The following VGLL2 variants were observed in gnomAD, a reference collection of about 807,000 sequenced individuals.
The protein encoded by VGLL2 is transcription cofactor vestigial-like protein 2.
Under a neutral mutation model 27.0 loss-of-function variants are expected in VGLL2, and 18 were observed. That is an observed-to-expected ratio of 0.67 (90% CI 0.46 to 0.99). VGLL2 has a LOEUF of 0.99. Among genes scored for constraint, VGLL2 ranks in the 50% least tolerant of loss-of-function variants. The pLI is 0.00. For missense variants in VGLL2, 491 were observed against 452.3 expected (o/e 1.09, Z -0.78); for synonymous variants, 220 against 201.1 (o/e 1.09, Z -0.80).
chr6:117,270,607 G>C lies in VGLL2; in HGVS notation c.456G>C (p.Ala152=). 6.3e-7 allele frequency: 1 copy of C among 1,574,890 alleles called. No homozygotes were observed. Among genetic ancestry groups the C allele is most frequent in the East Asian group, 2.4e-5 (1 of 42,476 alleles). The part of the protein sequence containing the change: ...PASFWNSAYQ[A]PVPPPLGSPL... ...CCTTCTGGAATAGCGCGTACCAGGC[G>C]CCAGTGCCCCCGCCGCTGGGCAGCC... Residue 152 remains alanine (A), a synonymous_variant, in exon 3 of 4, where the codon GCG becomes GCC. Transcript: ENST00000326274.
intron 1 of VGLL2, among the ~76,000 whole-genome samples, chr6:117,266,632 G>A (rs1278407260): frequency 6.6e-6 from 1 of 152,184 alleles, no homozygotes; most frequent in Non-Finnish European, 1.5e-5. Flanking sequence ...GGCTGCGTCT[G>A]TTTGAACCAT....
In VGLL2 at chr6:117,272,672, T is replaced by TGCTGAAAGAGCAAATCCAAAGACTGA; in HGVS notation, c.*180_*205dup. On this transcript the variant is annotated 3_prime_UTR_variant, in exon 4 of 4. Transcript: ENST00000326274. The stretch of plus-strand genomic sequence containing the variant: ...AAATTCATCTAAAAATAAGTCCTGC[T>TGCTGAAAGAGCAAATCCAAAGACTGA]GCTGAAAGAGCAAATCCAAAGACTG... 2.3e-6 allele frequency: 2 copies of TGCTGAAAGAGCAAATCCAAAGACTGA among 855,928 alleles called. No homozygotes were observed. The highest frequency in any genetic ancestry group is 1.8e-6 in the Non-Finnish European group (1 of 565,546). The allele number at this position is 855,928 out of a possible 1,614,324, so 53.0% of individuals were successfully genotyped here. A position where few individuals can be genotyped will look rare whatever the true frequency, so the allele number is the denominator to read the frequency against.
At position 117,272,713 on chromosome 6, in the gene VGLL2, C is replaced by T. The variant is rs1773226964; in HGVS notation, c.*219C>T. On this transcript the variant is annotated 3_prime_UTR_variant, in exon 4 of 4. Transcript: ENST00000326274. ...CCAAAGACTGAGTTATGTTTAATGA[C>T]TTTTGGCCGAATCACTGGAAATATC... is the stretch of plus-strand genomic sequence containing the variant. The T allele has an allele frequency of 3.3e-6, 2 of 611,728 alleles. No individual in the cohort carries two copies. The highest frequency in any genetic ancestry group is 5.4e-6 in the Non-Finnish European group (2 of 369,126). The allele number at this position is 611,728 out of a possible 1,614,324, so 37.9% of individuals were successfully genotyped here.
Position 117,270,939 on chromosome 6 carries a change from G to C in VGLL2, c.788G>C (p.Gly263Ala), listed in dbSNP as rs1773181555. 2 of 1,240,818 alleles carry C rather than the reference G, an allele frequency of 1.6e-6. No individual in the cohort carries two copies. The highest frequency in any genetic ancestry group is 2.0e-6 in the Non-Finnish European group (2 of 997,680). The allele number at this position is 1,240,818 out of a possible 1,614,324, so 76.9% of individuals were successfully genotyped here. Residue 263 changes from glycine (G) to alanine (A), a missense_variant, in exon 3 of 4, where the codon GGC becomes GCC. Gly to Ala is a moderately conservative substitution (Grantham distance 60). Coordinates refer to ENST00000326274, the MANE Select transcript of VGLL2 (RefSeq NM_182645.3). ...RLATAPAPAP[G>A]SPPCELSGKG... ...GCAACCGCCCCGGCGCCCGCGCCCG[G>C]CAGTCCTCCCTGCGAGCTCTCCGGC...
chr6:117,270,527 C>A lies in VGLL2; in HGVS notation c.392-16C>A. 3.2e-6 allele frequency: 5 copies of A among 1,577,712 alleles called. No homozygotes were observed. The highest frequency in any genetic ancestry group is 4.3e-6 in the Non-Finnish European group (5 of 1,163,354). Reference sequence around the variant, plus strand: ...CTTTTCCTTTCCTCCACTCCGCCTCCCCGGCCGGCCTACAGACTGCTCCTT... The same window carrying A: ...CTTTTCCTTTCCTCCACTCCGCCTCACCGGCCGGCCTACAGACTGCTCCTT... On this transcript the variant is annotated splice_polypyrimidine_tract_variant and intron_variant, in intron 2 of 3. Coordinates refer to ENST00000326274, the MANE Select transcript of VGLL2 (RefSeq NM_182645.3).
chr6:117,268,386 A>G lies in VGLL2; in HGVS notation c.286A>G (p.Ser96Gly), dbSNP rs978917499. 19 of 1,613,930 alleles carry G rather than the reference A, an allele frequency of 1.2e-5. No homozygotes were observed. Among genetic ancestry groups the G allele is most frequent in the African/African-American group, 2.7e-5 (2 of 74,866 alleles). The stretch of plus-strand genomic sequence containing the variant: ...CTTCACTTATTTCCAGGGGGACATC[A>G]GCTCCGTGGTGGATGAACATTTCAG... ...VLFTYFQGDI[S>G]SVVDEHFSRA... Residue 96 changes from serine (S) to glycine (G), a missense_variant, in exon 2 of 4, where the codon AGC becomes GGC. Transcript: ENST00000326274.
Position 117,265,607 on chromosome 6 carries a change from T to TA in VGLL2, c.-156dup, listed in dbSNP as rs1330095850. On this transcript the variant is annotated 5_prime_UTR_variant, in exon 1 of 4. Coordinates refer to ENST00000326274, the MANE Select transcript of VGLL2 (RefSeq NM_182645.3). The stretch of plus-strand genomic sequence containing the variant: ...GAGTAAAATCGCAGGAGTGGGAGGG[T>TA]AGCGAGCCAGCTGGATTCCGAGCCG... 1.5e-6 allele frequency: 1 copy of TA among 651,926 alleles called. No individual in the cohort carries two copies. Among genetic ancestry groups the TA allele is most frequent in the African/African-American group, 1.8e-5 (1 of 55,600 alleles). The allele number at this position is 651,926 out of a possible 1,614,324, so 40.4% of individuals were successfully genotyped here.
intron 3 of VGLL2, 95 bp downstream of exon 3, chr6:117,271,159 T>C: frequency 9.3e-7 from 1 of 1,075,010 alleles, no homozygotes; most frequent in Non-Finnish European, 1.2e-6. Context: ...CTTGGAGACC[T>C]TGAATTCTGT....
rs1441708458 is a variant in VGLL2, at chr6:117,265,613, G to A, written c.-151G>A. The A allele has an allele frequency of 1.5e-6, 1 of 675,048 alleles. No homozygotes were observed. Among genetic ancestry groups the A allele is most frequent in the Non-Finnish European group, 2.6e-6 (1 of 379,470 alleles). The allele number at this position is 675,048 out of a possible 1,614,324, so 41.8% of individuals were successfully genotyped here. A position where few individuals can be genotyped will look rare whatever the true frequency, so the allele number is the denominator to read the frequency against. Reference sequence around the variant, plus strand: ...AATCGCAGGAGTGGGAGGGTAGCGAGCCAGCTGGATTCCGAGCCGCGGAGC... The same window carrying A: ...AATCGCAGGAGTGGGAGGGTAGCGAACCAGCTGGATTCCGAGCCGCGGAGC... On this transcript the variant is annotated 5_prime_UTR_variant, in exon 1 of 4. Transcript: ENST00000326274.
At chr6:117,267,282 AT>A (rs1475434008) in intron 1 of VGLL2, among the ~76,000 whole-genome samples, 8 of 152,106 alleles carry the variant, frequency 5.3e-5, no homozygotes, top group Non-Finnish European at 1.2e-4. Context: ...TCCATTGCTC[AT>A]TTCTAAGAAA....
At position 117,265,584 on chromosome 6, in the gene VGLL2, G is replaced by A; in HGVS notation, c.-180G>A. ...CTTCTGCCCTGGAGCGCGGTCGGGA[G>A]TAAAATCGCAGGAGTGGGAGGGTAG... is the stretch of plus-strand genomic sequence containing the variant. On this transcript the variant is annotated 5_prime_UTR_variant, in exon 1 of 4. Transcript: ENST00000326274. 1 of 614,978 alleles carries A rather than the reference G, an allele frequency of 1.6e-6. No individual in the cohort carries two copies. Among genetic ancestry groups the A allele is most frequent in the Non-Finnish European group, 2.9e-6 (1 of 341,496 alleles). 38.1% of individuals were successfully genotyped at this position (614,978 alleles called of 1,614,324 possible). A position where few individuals can be genotyped will look rare whatever the true frequency, so the allele number is the denominator to read the frequency against.
In VGLL2 at chr6:117,268,372, T is replaced by C; in HGVS notation, c.272T>C (p.Phe91Ser). ...INSRCVLFTY[F>S]QGDISSVVDE... The stretch of plus-strand genomic sequence containing the variant: ...TCCCGCTGCGTCCTCTTCACTTATT[T>C]CCAGGGGGACATCAGCTCCGTGGTG... The change falls in exon 2 of 4, where the codon TTC becomes TCC. Residue 91 changes from phenylalanine to serine, a missense_variant. Physicochemically the swap from Phe to Ser is radical, Grantham distance 155. Coordinates refer to ENST00000326274, the MANE Select transcript of VGLL2 (RefSeq NM_182645.3). 1 of 1,614,004 alleles carries C rather than the reference T, an allele frequency of 6.2e-7. No individual in the cohort carries two copies. Among genetic ancestry groups the C allele is most frequent in the Non-Finnish European group, 8.5e-7 (1 of 1,179,990 alleles).
In VGLL2 at chr6:117,268,440, TCTC is replaced by T. The variant is rs1364187255; in HGVS notation, c.343_345del (p.Pro115del). 1.2e-6 allele frequency: 2 copies of T among 1,613,956 alleles called. No homozygotes were observed. The highest frequency in any genetic ancestry group is 1.1e-5 in the South Asian group (1 of 91,062). On this transcript the variant is annotated inframe_deletion, in exon 2 of 4. Transcript: ENST00000326274. Reference sequence around the variant, plus strand: ...GGCCCTGAGCCAACCCAGCAGCTACTCTCCTAGCTGTACCAGCAGCAAAGCACC... The same window carrying T: ...GGCCCTGAGCCAACCCAGCAGCTACTCTAGCTGTACCAGCAGCAAAGCACC...
Position 117,265,591 on chromosome 6 carries a change from C to G in VGLL2, c.-173C>G. 9.7e-6 allele frequency: 6 copies of G among 619,612 alleles called. No homozygotes were observed. The highest frequency in any genetic ancestry group is 1.7e-5 in the Non-Finnish European group (6 of 344,032). 38.4% of individuals were successfully genotyped at this position (619,612 alleles called of 1,614,324 possible). The stretch of plus-strand genomic sequence containing the variant: ...CCTGGAGCGCGGTCGGGAGTAAAAT[C>G]GCAGGAGTGGGAGGGTAGCGAGCCA... On this transcript the variant is annotated 5_prime_UTR_variant, in exon 1 of 4. It adds an upstream start codon to the 5' untranslated region. Coordinates refer to ENST00000326274, the MANE Select transcript of VGLL2 (RefSeq NM_182645.3).
In VGLL2 at chr6:117,265,902, A is replaced by G. The variant is rs574076274; in HGVS notation, c.81+58A>G. ...GTGCGCGCCCCCCGTTTGCGGCGGC[A>G]TGGCCTGTACGCCAAGGTCTGCTGT... On this transcript the variant is annotated intron_variant, in intron 1 of 3. Coordinates refer to ENST00000326274, the MANE Select transcript of VGLL2 (RefSeq NM_182645.3). 352 of 1,502,662 alleles carry G rather than the reference A, an allele frequency of 2.3e-4. 1 individual carries two copies. The highest frequency in any genetic ancestry group is 7.5e-4 in the Admixed American group (44 of 58,568). 93.1% of individuals were successfully genotyped at this position (1,502,662 alleles called of 1,614,324 possible).
chr6:117,272,636 C>T lies in VGLL2; in HGVS notation c.*142C>T. The stretch of plus-strand genomic sequence containing the variant: ...TCAGTGTGTTGGGAAAACCAAAAAC[C>T]ACAACTACAGAAATTCATCTAAAAA... On this transcript the variant is annotated 3_prime_UTR_variant, in exon 4 of 4. Transcript: ENST00000326274. 1.7e-6 allele frequency: 2 copies of T among 1,151,376 alleles called. No homozygotes were observed. The allele number at this position is 1,151,376 out of a possible 1,614,324, so 71.3% of individuals were successfully genotyped here. A position where few individuals can be genotyped will look rare whatever the true frequency, so the allele number is the denominator to read the frequency against.
chr6:117,267,983 T>A (rs1022712898), intron 1 of VGLL2, among the ~76,000 whole-genome samples, 199 bp from the exon 2 acceptor site: 8 of 152,206 alleles, frequency 5.3e-5, no homozygotes, highest in African/African-American at 1.9e-4. Context: ...AGGAAGCCCG[T>A]CCTTGCTTGG....
chr6:117,267,747 G>T (rs1582497359), intron 1 of VGLL2, among the ~76,000 whole-genome samples: 1 of 152,312 alleles, frequency 6.6e-6, no homozygotes, highest in Non-Finnish European at 1.5e-5. Flanking sequence ...TGTATCCTGT[G>T]CTTCTGCCCT....
At chr6:117,272,326 A>C in intron 3 of VGLL2, 128 bp from the exon 4 acceptor site, 1 of 1,546,542 alleles carries the variant, frequency 6.5e-7, no homozygotes, top group Non-Finnish European at 8.7e-7. Context: ...GCCTCAGGAC[A>C]AAAGCAAGGA....
Sources: allele counts gnomAD v4.1 joint callset (sites outside exome capture counted in the v4.1 genomes callset), GRCh38; gene constraint gnomAD v4.1.1; transcripts MANE v1.5; gene names NCBI Gene and HGNC (gene_info 2026-07-23, HGNC 2026-07-21).